Variants in CEP112 observed in about 807,000 individuals in gnomAD.
CEP112 encodes centrosomal protein of 112 kDa.
Under a neutral mutation model 153.0 loss-of-function variants are expected in CEP112, and 127 were observed. That is an observed-to-expected ratio of 0.83 (90% CI 0.72 to 0.96). The LOEUF (loss-of-function observed/expected upper bound fraction) is 0.96. CEP112 is among the 40% of genes least tolerant of loss of function. The probability of loss-of-function intolerance (pLI) is 0.00; values close to 1 mark genes in which losing one functional copy is unlikely to be tolerated. For synonymous variants in CEP112, 358 were observed against 374.4 expected, an observed-to-expected ratio of 0.96 and a Z score of 0.51; for missense variants, 1,089 against 1,101.2, an observed-to-expected ratio of 0.99 and a Z score of 0.16.
At chr17:66,155,054 G>A (rs1269587246) in intron 4 of CEP112, among the ~76,000 whole-genome samples, 1 of 152,066 alleles carries the variant, frequency 6.6e-6, no homozygotes, top group Non-Finnish European at 1.5e-5. Flanking sequence ...GTCCTCATCA[G>A]ATGCCAGCAC....
intron 23 of CEP112, among the ~76,000 whole-genome samples, chr17:65,712,591 A>G (rs1171660855): frequency 1.3e-5 from 2 of 152,196 alleles, no homozygotes; most frequent in Non-Finnish European, 2.9e-5. Context: ...CTTCTATCTG[A>G]CTGGCAAAGC....
intron 6 of CEP112, among the ~76,000 whole-genome samples, chr17:66,102,166 T>C (rs1354034314): frequency 6.6e-6 from 1 of 152,188 alleles, no homozygotes; most frequent in Non-Finnish European, 1.5e-5. Context: ...GTGTCACACC[T>C]GGGGTTATGT....
At chr17:65,967,108 G>A (rs1244402401) in intron 17 of CEP112, among the ~76,000 whole-genome samples, 1 of 152,114 alleles carries the variant, frequency 6.6e-6, no homozygotes, top group Non-Finnish European at 1.5e-5. Context: ...GCATAAAGAA[G>A]TTCTACAGAA....
intron 6 of CEP112, among the ~76,000 whole-genome samples, chr17:66,125,015 C>G (rs555819014): frequency 6.6e-6 from 1 of 151,866 alleles, no homozygotes; most frequent in Non-Finnish European, 1.5e-5. Context: ...AATACTGTTA[C>G]GGCTTTGTTT....
intron 21 of CEP112, among the ~76,000 whole-genome samples, chr17:65,778,026 GC>G (rs1200014298): frequency 2.0e-5 from 3 of 146,986 alleles, no homozygotes; most frequent in East Asian, 4.0e-4. Flanking sequence ...TCAATCATTA[GC>G]CCATCTCTAA....
chr17:65,940,799 A>G (rs1178146247), intron 18 of CEP112, among the ~76,000 whole-genome samples: 1 of 152,194 alleles, frequency 6.6e-6, no homozygotes, highest in African/African-American at 2.4e-5. Context: ...GACAAGAAGA[A>G]TACTTTCTAG....
At chr17:65,745,129 T>C (rs1253726776) in intron 22 of CEP112, among the ~76,000 whole-genome samples, 2 of 152,326 alleles carry the variant, frequency 1.3e-5, no homozygotes, top group African/African-American at 2.4e-5. Flanking sequence ...CAATAAAATA[T>C]GGAGTATTTA....
intron 8 of CEP112, among the ~76,000 whole-genome samples, chr17:66,095,227 T>C (rs1029727416): frequency 6.6e-6 from 1 of 152,056 alleles, no homozygotes; most frequent in African/African-American, 2.4e-5. Context: ...AGCCAAGATA[T>C]AGAATCAATA....
chr17:66,001,139 G>A lies in CEP112; in HGVS notation c.1736+4551C>T, dbSNP rs1196830020. On this transcript the variant is annotated intron_variant, in intron 17 of 26. Coordinates refer to ENST00000535342, the MANE Select transcript of CEP112 (RefSeq NM_001199165.4). ...AAATGGGCTTGTCTCCCACTCTGGA[G>A]CGTCACCCGGCCTCAGGGAGACCTG... Among the ~76,000 whole-genome samples, 5 of 152,184 alleles carry A rather than the reference G, an allele frequency of 3.3e-5. No individual in the cohort carries two copies. The East Asian group carries it at 9.6e-4, about 29-fold the overall frequency.
intron 12 of CEP112, among the ~76,000 whole-genome samples, chr17:66,037,471 C>A (rs36024196): frequency 6.6e-6 from 1 of 151,920 alleles, no homozygotes; most frequent in African/African-American, 2.4e-5. Flanking sequence ...CTACATTGAA[C>A]AATTCTAACT....
chr17:66,167,517 G>A (rs2072028666), intron 4 of CEP112, among the ~76,000 whole-genome samples: 1 of 152,150 alleles, frequency 6.6e-6, no homozygotes, highest in African/African-American at 2.4e-5. Flanking sequence ...ACAGATGGTT[G>A]CCAAGTGTCA....
intron 23 of CEP112, among the ~76,000 whole-genome samples, chr17:65,709,097 C>T (rs573746503): frequency 6.6e-6 from 1 of 152,264 alleles, no homozygotes; most frequent in South Asian, 2.1e-4. Flanking sequence ...ACTCTCATCT[C>T]CCTTCTGCAG....
intron 19 of CEP112, among the ~76,000 whole-genome samples, chr17:65,924,711 C>T (rs2060858908): frequency 6.6e-6 from 1 of 152,120 alleles, no homozygotes; most frequent in Admixed American, 6.6e-5. Context: ...TCTTAATTTA[C>T]CAAAGCTAGA....
At chr17:66,025,920 T>TACACACACACACACACACACAC (rs759825168) in intron 16 of CEP112, among the ~76,000 whole-genome samples, 1,307 of 124,558 alleles carry the variant, frequency 0.01, 22 homozygotes, top group African/African-American at 0.021. Context: ...AAATGTGGCA[T>TACACACACACACACACACACAC]ACACACACAC....
intron 23 of CEP112, among the ~76,000 whole-genome samples, chr17:65,703,403 T>C (rs1399075797): frequency 6.6e-6 from 1 of 150,950 alleles, no homozygotes; most frequent in African/African-American, 2.4e-5. Context: ...CCCAGCTACT[T>C]GGGAGGCTGA....
Position 65,748,063 on chromosome 17 carries a change from G to C in CEP112, c.2457+2599C>G, listed in dbSNP as rs556467112. 2.6e-5 allele frequency among the ~76,000 whole-genome samples: 4 copies of C among 152,192 alleles called. No homozygotes were observed. In the East Asian group the frequency reaches 7.7e-4, roughly 29 times the overall value. On this transcript the variant is annotated intron_variant, in intron 22 of 26. Transcript: ENST00000535342. ...ACAAACTATCACTTAAATATGGAGA[G>C]ATCCAATCCACAGTCTTGTTTTATA... is the stretch of plus-strand genomic sequence containing the variant.
intron 17 of CEP112, among the ~76,000 whole-genome samples, chr17:65,970,882 G>A (rs1241980579): frequency 2.6e-5 from 4 of 152,218 alleles, no homozygotes; most frequent in African/African-American, 4.8e-5. Flanking sequence ...CGCATTACAT[G>A]CATATCACAT....
At chr17:66,024,715 T>C (rs531801026) in intron 16 of CEP112, among the ~76,000 whole-genome samples, 2 of 152,232 alleles carry the variant, frequency 1.3e-5, no homozygotes, top group African/African-American at 4.8e-5. Context: ...AAAATGACCA[T>C]ACTGCACAAA....
intron 18 of CEP112, among the ~76,000 whole-genome samples, chr17:65,956,226 T>C (rs1487014359): frequency 2.0e-5 from 3 of 152,148 alleles, no homozygotes; most frequent in East Asian, 3.8e-4. Context: ...AGATCTACCA[T>C]TTGATTCAGC....
Sources: allele counts gnomAD v4.1 joint callset (sites outside exome capture counted in the v4.1 genomes callset), GRCh38; gene constraint gnomAD v4.1.1; transcripts MANE v1.5; gene names NCBI Gene and HGNC (gene_info 2026-07-23, HGNC 2026-07-21).